The following RUFY3 variants were observed in gnomAD, a reference collection of about 807,000 sequenced individuals.
RUFY3 encodes RUN and FYVE domain containing 3, also known as protein RUFY3.
In RUFY3, 34 loss-of-function variants were observed where a neutral mutation model predicts 84.0. The observed-to-expected ratio is 0.40, with a 90% CI of 0.31 to 0.54. RUFY3 has a LOEUF of 0.54. RUFY3 is among the 20% of genes least tolerant of loss of function. RUFY3 has a pLI of 0.39. For synonymous variants in RUFY3, 242 were observed against 252.9 expected (o/e 0.96, Z 0.41); for missense variants, 507 against 736.8 (o/e 0.69, Z 3.61).
At chr4:70,712,692 A>G (rs1741120651) in intron 1 of RUFY3, among the ~76,000 whole-genome samples, 1 of 152,240 alleles carries the variant, frequency 6.6e-6, no homozygotes, top group Admixed American at 6.5e-5. Flanking sequence ...GTGTAGCAGA[A>G]TAAACTGGAT....
chr4:70,768,827 A>G (rs1272601119), intron 5 of RUFY3, among the ~76,000 whole-genome samples, 166 bp downstream of exon 5: 1 of 152,134 alleles, frequency 6.6e-6, no homozygotes, highest in African/African-American at 2.4e-5. Context: ...TTTTCCTTCC[A>G]GTTTGGCTCA....
intron 14 of RUFY3, among the ~76,000 whole-genome samples, chr4:70,795,099 C>T (rs895080316): frequency 1.3e-5 from 2 of 152,108 alleles, no homozygotes; most frequent in Non-Finnish European, 2.9e-5. Context: ...AACTTGATTT[C>T]ATTTGGAAAG....
At position 70,722,432 on chromosome 4, in the gene RUFY3, C is replaced by T; in HGVS notation, c.-142C>T. 7.6e-7 allele frequency: 1 copy of T among 1,322,192 alleles called. No homozygotes were observed. Among genetic ancestry groups the T allele is most frequent in the Non-Finnish European group, 9.7e-7 (1 of 1,032,002 alleles). The allele number at this position is 1,322,192 out of a possible 1,614,324, so 81.9% of individuals were successfully genotyped here. On this transcript the variant is annotated 5_prime_UTR_variant, in exon 1 of 18. Transcript: ENST00000381006. ...ATTTTTCCTTTTTTTTTTTTTTAAA[C>T]CTCCCCCACCCTTTTCCTGAAAGCT...
At position 70,806,553 on chromosome 4, in the gene RUFY3, C is replaced by G. The variant is rs1295544978; in HGVS notation, c.1757C>G (p.Ala586Gly). The change falls in exon 18 of 18, where the codon GCC becomes GGC. Residue 586 changes from alanine to glycine, a missense_variant. This residue lies in a region of RUFY3 where 334 missense variants were observed against 364.1 expected (regional missense o/e 0.92). Transcript: ENST00000381006. ...AACTGCAGCGGAACCTTCTGTGATG[C>G]CTGTTCAACAAATGAACTGCCTCTT... ...CKNCSGTFCD[A>G]CSTNELPLPS... 2 of 1,614,118 alleles carry G rather than the reference C, an allele frequency of 1.2e-6. No homozygotes were observed. The highest frequency in any genetic ancestry group is 2.2e-5 in the South Asian group (2 of 91,078).
chr4:70,721,622 G>A (rs1374458193), upstream of RUFY3, among the ~76,000 whole-genome samples: 1 of 152,080 alleles, frequency 6.6e-6, no homozygotes, highest in South Asian at 2.1e-4. Context: ...GCATAGTAAA[G>A]AATTTTAATA....
chr4:70,751,884 T>G (rs1356040081), intron 1 of RUFY3, among the ~76,000 whole-genome samples: 1 of 152,194 alleles, frequency 6.6e-6, no homozygotes, highest in Non-Finnish European at 1.5e-5. Context: ...ATTTTGAGCT[T>G]TTTAAAAAAT....
At chr4:70,786,535 A>G (rs1179367463) in intron 10 of RUFY3, among the ~76,000 whole-genome samples, 1 of 151,868 alleles carries the variant, frequency 6.6e-6, no homozygotes, top group African/African-American at 2.4e-5. Flanking sequence ...TTTATGCTGG[A>G]AAAAAAAGAG....
Position 70,743,119 on chromosome 4 carries a change from G to A in RUFY3, c.179-19400G>A, listed in dbSNP as rs1490444812. On this transcript the variant is annotated intron_variant, in intron 1 of 17. Transcript: ENST00000381006. The stretch of plus-strand genomic sequence containing the variant: ...AATCTCACTCCATCGTCCAGGCTGC[G>A]GTGCAGTGGAGCGATCTCATCTCAC... 5.9e-5 allele frequency among the ~76,000 whole-genome samples: 9 copies of A among 151,840 alleles called. No homozygotes were observed. In the East Asian group the frequency reaches 9.7e-4, roughly 16 times the overall value.
At chr4:70,797,191 C>T (rs1731632022) in intron 14 of RUFY3, among the ~76,000 whole-genome samples, 1 of 152,062 alleles carries the variant, frequency 6.6e-6, no homozygotes, top group Admixed American at 6.6e-5. Context: ...GATATGCCTG[C>T]CTCAGCCTCC....
chr4:70,741,131 TG>T (rs1430987980), intron 1 of RUFY3, among the ~76,000 whole-genome samples: 9 of 151,902 alleles, frequency 5.9e-5, no homozygotes, highest in Admixed American at 4.6e-4. Flanking sequence ...GAAGGAGAAT[TG>T]GGGGAGGGGG....
chr4:70,792,130 A>G, intron 12 of RUFY3: 1 of 985,612 alleles, frequency 1.0e-6, no homozygotes, highest in Non-Finnish European at 1.2e-6. Context: ...TCTCCTATTA[A>G]CAAAAAATGA....
At chr4:70,778,344 C>CT (rs754744653) in intron 7 of RUFY3, 25 bp from the exon 8 acceptor site, 45 of 1,383,368 alleles carry the variant, frequency 3.3e-5, no homozygotes, top group Admixed American at 5.3e-5. Flanking sequence ...TCAAAAGTGA[C>CT]TTTTTTTTCT....
chr4:70,703,904 T>C (rs1349605977), upstream of RUFY3: 2 of 152,266 alleles, frequency 1.3e-5, no homozygotes, highest in Admixed American at 1.3e-4. Context: ...ACATGGCTTC[T>C]ATGCCAGCAT....
At chr4:70,794,154 CACTA>C (rs1166083635) in intron 13 of RUFY3, among the ~76,000 whole-genome samples, 1 of 152,172 alleles carries the variant, frequency 6.6e-6, no homozygotes. Context: ...GCCAAAATAA[CACTA>C]ATAATAATAT....
At chr4:70,718,729 C>G (rs376076570), upstream of RUFY3, among the ~76,000 whole-genome samples, 56 of 147,882 alleles carry the variant, frequency 3.8e-4, 1 homozygote, top group South Asian at 8.2e-3. Flanking sequence ...TATCTAAAAT[C>G]TTTTTTTTTT....
intron 1 of RUFY3, among the ~76,000 whole-genome samples, chr4:70,744,358 T>TTATGTATGTATGTATGTATG (rs113177648): frequency 8.6e-5 from 13 of 150,622 alleles, no homozygotes; most frequent in African/African-American, 3.0e-4. Context: ...TGGCTAATTT[T>TTATGTATGTATGTATGTATG]TATGTATGTA....
intron 2 of RUFY3, among the ~76,000 whole-genome samples, 165 bp downstream of exon 2, chr4:70,762,857 A>G (rs186298474): frequency 7.2e-5 from 11 of 152,310 alleles, no homozygotes; most frequent in Admixed American, 4.6e-4. Context: ...GGTTGACTCA[A>G]TGGACTTATA....
chr4:70,799,202 G>A (rs1328309930), intron 14 of RUFY3, among the ~76,000 whole-genome samples: 1 of 151,382 alleles, frequency 6.6e-6, no homozygotes, highest in Non-Finnish European at 1.5e-5. Flanking sequence ...CTTTACATCT[G>A]TCCTGCCAAG....
chr4:70,776,866 A>G (rs1728058638), intron 7 of RUFY3, among the ~76,000 whole-genome samples: 1 of 152,266 alleles, frequency 6.6e-6, no homozygotes, highest in Non-Finnish European at 1.5e-5. Flanking sequence ...CATTATTTCC[A>G]AAAGATTTTC....
Sources: allele counts gnomAD v4.1 joint callset (sites outside exome capture counted in the v4.1 genomes callset), GRCh38; gene constraint gnomAD v4.1.1; regional missense constraint gnomAD v4.1.1; transcripts MANE v1.5; gene names NCBI Gene and HGNC (gene_info 2026-07-23, HGNC 2026-07-21).